The following SPIDR variants were observed in gnomAD, a reference collection of about 807,000 sequenced individuals.
The protein encoded by SPIDR is scaffold protein involved in DNA repair, also known as DNA repair-scaffolding protein.
SPIDR carries 93 observed loss-of-function variants against 104.6 expected under a neutral mutation model. The observed-to-expected ratio is 0.89, with a 90% confidence interval of 0.75 to 1.06. SPIDR has a LOEUF of 1.06. SPIDR is among the 50% of genes least tolerant of loss of function. The pLI, the probability that SPIDR is intolerant of heterozygous loss-of-function variation, is 0.00. For missense variants in SPIDR, 1,154 were observed against 1,111.2 expected (o/e 1.04, Z -0.55); for synonymous variants, 431 against 416.9 (o/e 1.03, Z -0.41).
At chr8:47,343,371 A>G (rs1285164666) in intron 5 of SPIDR, among the ~76,000 whole-genome samples, 1 of 152,196 alleles carries the variant, frequency 6.6e-6, no homozygotes, top group Admixed American at 6.5e-5. Flanking sequence ...CATGTGCTAG[A>G]TACTCACTAA....
At chr8:47,547,713 G>T in intron 8 of SPIDR, 1 of 162,710 alleles carries the variant, frequency 6.1e-6, no homozygotes, top group South Asian at 1.6e-4. Flanking sequence ...TTACAGGCAT[G>T]AGCTGCCACG....
intron 8 of SPIDR, among the ~76,000 whole-genome samples, chr8:47,519,332 G>A (rs1324010114): frequency 7.2e-5 from 11 of 152,170 alleles, no homozygotes; most frequent in Admixed American, 5.9e-4. Context: ...TTTAGTAGAG[G>A]CGGGGTTTCA....
intron 8 of SPIDR, among the ~76,000 whole-genome samples, chr8:47,493,520 T>A (rs1040752603): frequency 5.3e-5 from 8 of 152,362 alleles, no homozygotes; most frequent in African/African-American, 1.9e-4. Context: ...TGTAGATTTT[T>A]AAATTTTTAA....
In SPIDR at chr8:47,735,411, CGAGCTTCT is replaced by C. The variant is rs758310730; in HGVS notation, c.2713_2720del (p.Leu905CysfsTer30). On this transcript the variant is annotated frameshift_variant, in exon 20 of 20. Transcript: ENST00000297423. LOFTEE classifies it low-confidence loss of function (END_TRUNC). Reference sequence around the variant, plus strand: ...CCAGCTGCATTGGATTGGAGGAAATCGAGCTTCTGAGTGCAGGAGGGGCCTCTGCAGAA... The same window carrying C: ...CCAGCTGCATTGGATTGGAGGAAATCGAGTGCAGGAGGGGCCTCTGCAGAA... 6.2e-7 allele frequency: 1 copy of C among 1,614,134 alleles called. No homozygotes were observed. Among genetic ancestry groups the C allele is most frequent in the Non-Finnish European group, 8.5e-7 (1 of 1,180,028 alleles).
At chr8:47,440,209 T>A in intron 7 of SPIDR, 114 bp from the exon 8 acceptor site, 1 of 849,240 alleles carries the variant, frequency 1.2e-6, no homozygotes, top group Non-Finnish European at 1.8e-6. Flanking sequence ...GACCATTTTC[T>A]CCAGGTGAAG....
At chr8:47,605,014 T>G (rs1167141516) in intron 10 of SPIDR, among the ~76,000 whole-genome samples, 1 of 152,192 alleles carries the variant, frequency 6.6e-6, no homozygotes, top group Non-Finnish European at 1.5e-5. Context: ...TGCGTGTGAG[T>G]GCAAGGCAGC....
chr8:47,549,140 T>C (rs890350628), intron 8 of SPIDR, among the ~76,000 whole-genome samples: 4 of 152,238 alleles, frequency 2.6e-5, no homozygotes, highest in Non-Finnish European at 5.9e-5. Flanking sequence ...ATGGTGTATA[T>C]GTGCCAATTT....
intron 8 of SPIDR, among the ~76,000 whole-genome samples, chr8:47,539,303 A>G (rs1381957628): frequency 2.0e-5 from 3 of 152,162 alleles, no homozygotes; most frequent in Non-Finnish European, 2.9e-5. Flanking sequence ...TTATCAGCAC[A>G]CCATCATATG....
At chr8:47,691,860 A>G (rs999074132) in intron 11 of SPIDR, among the ~76,000 whole-genome samples, 1 of 152,314 alleles carries the variant, frequency 6.6e-6, no homozygotes, top group Admixed American at 6.5e-5. Flanking sequence ...CCACTCCAAA[A>G]GTAGAGTGCT....
chr8:47,485,408 G>A (rs138864413), intron 8 of SPIDR, among the ~76,000 whole-genome samples: 1 of 152,218 alleles, frequency 6.6e-6, no homozygotes, highest in African/African-American at 2.4e-5. Context: ...GCCTGCCTCT[G>A]TAAACTCCAC....
At chr8:47,730,152 G>T (rs2084963855) in intron 19 of SPIDR, among the ~76,000 whole-genome samples, 1 of 151,996 alleles carries the variant, frequency 6.6e-6, no homozygotes. Context: ...TCCAGACTCT[G>T]AATAACTGGT....
chr8:47,264,651 A>G (rs2033478012), intron 1 of SPIDR, among the ~76,000 whole-genome samples: 1 of 147,448 alleles, frequency 6.8e-6, no homozygotes, highest in East Asian at 2.0e-4. Flanking sequence ...TTTTTTTGAG[A>G]TGGAGTCTTG....
chr8:47,537,368 A>T (rs755387296), intron 8 of SPIDR, among the ~76,000 whole-genome samples: 1 of 152,244 alleles, frequency 6.6e-6, no homozygotes, highest in Admixed American at 6.5e-5. Context: ...TCCACACAAT[A>T]GAATATTACT....
At chr8:47,426,253 C>CA (rs1325048759) in intron 7 of SPIDR, among the ~76,000 whole-genome samples, 156 of 151,430 alleles carry the variant, frequency 1.0e-3, no homozygotes, top group Non-Finnish European at 1.2e-3. Context: ...GACACAGTCT[C>CA]AAAAAAAACA....
intron 11 of SPIDR, among the ~76,000 whole-genome samples, chr8:47,696,709 C>T (rs906676190): frequency 6.6e-6 from 1 of 152,214 alleles, no homozygotes; most frequent in Non-Finnish European, 1.5e-5. Context: ...CCACACCTAG[C>T]ACTGGAGACT....
At chr8:47,590,448 G>A (rs960736419) in intron 8 of SPIDR, among the ~76,000 whole-genome samples, 9 of 152,174 alleles carry the variant, frequency 5.9e-5, no homozygotes, top group Middle Eastern at 3.4e-3. Context: ...TTAGAAATAT[G>A]TTGTTTAATT....
At chr8:47,458,037 G>A (rs1248174741) in intron 8 of SPIDR, among the ~76,000 whole-genome samples, 2 of 152,148 alleles carry the variant, frequency 1.3e-5, no homozygotes, top group Non-Finnish European at 2.9e-5. Flanking sequence ...CATGCCTCCA[G>A]ATTTATTCTT....
chr8:47,272,412 A>C (rs2035523474), intron 1 of SPIDR, among the ~76,000 whole-genome samples: 1 of 152,140 alleles, frequency 6.6e-6, no homozygotes, highest in Admixed American at 6.6e-5. Flanking sequence ...ATTTTCCTGG[A>C]TGAATTTAAT....
At chr8:47,386,936 TATA>T (rs1435479401) in intron 5 of SPIDR, among the ~76,000 whole-genome samples, 4 of 150,128 alleles carry the variant, frequency 2.7e-5, no homozygotes, top group African/African-American at 7.4e-5. Context: ...TAGATATAGA[TATA>T]GATATAGATA....
Sources: allele counts gnomAD v4.1 joint callset (sites outside exome capture counted in the v4.1 genomes callset), GRCh38; gene constraint gnomAD v4.1.1; transcripts MANE v1.5; gene names NCBI Gene and HGNC (gene_info 2026-07-23, HGNC 2026-07-21).